The following NOL10 variants were observed in gnomAD, a reference collection of about 807,000 sequenced individuals.
The protein encoded by NOL10 is nucleolar protein 10.
In NOL10, 58 loss-of-function variants were observed where a neutral mutation model predicts 103.5. That is an observed-to-expected ratio of 0.56 (90% CI 0.45 to 0.70). The LOEUF is 0.70. NOL10 is among the 30% of genes least tolerant of loss of function. The pLI is 0.00. For synonymous variants in NOL10, 287 were observed against 282.5 expected (o/e 1.02, Z -0.16); for missense variants, 763 against 807.3 (o/e 0.95, Z 0.67).
At chr2:10,645,928 AACACACACACACACATACACACACAC>A (rs998080039) in intron 12 of NOL10, among the ~76,000 whole-genome samples, 4 of 121,570 alleles carry the variant, frequency 3.3e-5, no homozygotes, top group Non-Finnish European at 6.3e-5. Flanking sequence ...ATGCACACAA[AACACACACACACACATACACACACAC>A]ACACACACAC....
In NOL10 at chr2:10,594,181, C is replaced by T. The variant is rs138042948; in HGVS notation, c.1423-4430G>A. Among the ~76,000 whole-genome samples the T allele has an allele frequency of 4.7e-3, 715 of 152,224 alleles. 9 individuals are homozygous for T. The highest frequency in any genetic ancestry group is 0.016 in the African/African-American group (665 of 41,542). On this transcript the variant is annotated intron_variant, in intron 17 of 20. Transcript: ENST00000381685. ...TCGCTTCGTGTCAGGTTTCCCAGGA[C>T]GCTTCCTCTTCCTGGGCTTACACTG...
At chr2:10,653,551 A>G (rs1679627982) in intron 12 of NOL10, among the ~76,000 whole-genome samples, 1 of 152,134 alleles carries the variant, frequency 6.6e-6, no homozygotes, top group Non-Finnish European at 1.5e-5. Flanking sequence ...ACGGAGCCCA[A>G]GACATTTAGC....
At chr2:10,594,670 C>T (rs1675571159) in intron 17 of NOL10, among the ~76,000 whole-genome samples, 1 of 152,126 alleles carries the variant, frequency 6.6e-6, no homozygotes. Flanking sequence ...AATGCAGTCA[C>T]AGATTACTAC....
chr2:10,686,074 T>A (rs1049385174), intron 1 of NOL10, among the ~76,000 whole-genome samples: 3 of 151,578 alleles, frequency 2.0e-5, no homozygotes, highest in East Asian at 3.9e-4. Context: ...AAAAAAAAAA[T>A]TTAAAAATCT....
intron 3 of NOL10, among the ~76,000 whole-genome samples, chr2:10,680,280 A>T (rs1015246170): frequency 7.3e-6 from 1 of 136,586 alleles, no homozygotes; most frequent in African/African-American, 2.9e-5. Flanking sequence ...CTTAAAAAAG[A>T]AGGAGAAGAA....
At position 10,650,844 on chromosome 2, in the gene NOL10, A is replaced by AT. The variant is rs535811975; in HGVS notation, c.973+3636dup. Among the ~76,000 whole-genome samples, 339 of 152,290 alleles carry AT rather than the reference A, an allele frequency of 2.2e-3. 1 individual carries two copies. Among genetic ancestry groups the AT allele is most frequent in the African/African-American group, 7.8e-3 (323 of 41,572 alleles). ...TGAATTATCAGCACCCTCTCAATCCATTTTAAGTCTCTTCCTCAGCAGTCA... is the reference window on the plus strand; with the variant it reads ...TGAATTATCAGCACCCTCTCAATCCATTTTTAAGTCTCTTCCTCAGCAGTCA... On this transcript the variant is annotated intron_variant, in intron 12 of 20. Transcript: ENST00000381685.
intron 12 of NOL10, among the ~76,000 whole-genome samples, chr2:10,649,571 C>T (rs1315140057): frequency 1.3e-5 from 2 of 152,020 alleles, no homozygotes; most frequent in Non-Finnish European, 2.9e-5. Flanking sequence ...CTGCATGCCT[C>T]GGCCTCCCAA....
At chr2:10,682,777 C>T (rs1446943088) in intron 2 of NOL10, among the ~76,000 whole-genome samples, 1 of 151,682 alleles carries the variant, frequency 6.6e-6, no homozygotes, top group East Asian at 1.9e-4. Context: ...AGGTTTAAGC[C>T]CCCAAACTCT....
Position 10,637,188 on chromosome 2 carries a change from C to CAAAAAAAA in NOL10, c.1026+7124_1026+7131dup, listed in dbSNP as rs61693251. On this transcript the variant is annotated intron_variant, in intron 13 of 20. Coordinates refer to ENST00000381685, the MANE Select transcript of NOL10 (RefSeq NM_024894.4). The stretch of plus-strand genomic sequence containing the variant: ...TGGGCCACGGAGCAAGACACTGTCT[C>CAAAAAAAA]AAAAAAAAAAAAAAAAAAAAAAAAA... Among the ~76,000 whole-genome samples the CAAAAAAAA allele has an allele frequency of 1.6e-3, 72 of 44,524 alleles. 1 individual carries two copies. Among genetic ancestry groups the CAAAAAAAA allele is most frequent in the Non-Finnish European group, 2.3e-3 (57 of 25,088 alleles). 29.2% of individuals were successfully genotyped at this position (44,524 alleles called of 152,430 possible). A position where few individuals can be genotyped will look rare whatever the true frequency, so the allele number is the denominator to read the frequency against.
At chr2:10,637,188 C>CA (rs61693251) in intron 13 of NOL10, among the ~76,000 whole-genome samples, 3,767 of 44,446 alleles carry the variant, frequency 0.085, 470 homozygotes, top group Admixed American at 0.15. Context: ...GACACTGTCT[C>CA]AAAAAAAAAA....
At chr2:10,597,758 C>T (rs1335122654) in intron 17 of NOL10, among the ~76,000 whole-genome samples, 3 of 152,168 alleles carry the variant, frequency 2.0e-5, no homozygotes, top group South Asian at 2.1e-4. Flanking sequence ...TCTGTTATCA[C>T]GTGATATGGC....
intron 17 of NOL10, among the ~76,000 whole-genome samples, chr2:10,598,190 C>T (rs187986732): frequency 4.5e-4 from 69 of 152,258 alleles, no homozygotes; most frequent in African/African-American, 1.6e-3. Flanking sequence ...CCACAAATCC[C>T]TACGTAAATA....
chr2:10,659,386 G>A, intron 9 of NOL10, 136 bp from the exon 10 acceptor site: 1 of 640,826 alleles, frequency 1.6e-6, no homozygotes, highest in South Asian at 1.8e-5. Context: ...CTGTTTAAAA[G>A]GTAACTGCAG....
chr2:10,585,852 G>A (rs1349032452), intron 19 of NOL10, among the ~76,000 whole-genome samples: 1 of 152,182 alleles, frequency 6.6e-6, no homozygotes, highest in African/African-American at 2.4e-5. Flanking sequence ...AAAAAAGTCT[G>A]TACACGTTCA....
At chr2:10,688,763 C>T (rs1324733765) in intron 1 of NOL10, among the ~76,000 whole-genome samples, 1 of 152,186 alleles carries the variant, frequency 6.6e-6, no homozygotes. Flanking sequence ...GAGTTGCTTG[C>T]ACACAGTAAC....
intron 9 of NOL10, 60 bp from the exon 10 acceptor site, chr2:10,659,310 A>G: frequency 5.1e-6 from 3 of 586,074 alleles, no homozygotes; most frequent in Non-Finnish European, 8.7e-6. Flanking sequence ...CCAAGTAACA[A>G]GTTCATTATT....
At chr2:10,676,960 A>G (rs1681350918) in intron 3 of NOL10, among the ~76,000 whole-genome samples, 1 of 149,386 alleles carries the variant, frequency 6.7e-6, no homozygotes, top group Non-Finnish European at 1.5e-5. Flanking sequence ...TTTCTTTGAA[A>G]TGGGGTCTTG....
chr2:10,581,316 T>G (rs1185628330), intron 19 of NOL10, among the ~76,000 whole-genome samples: 1 of 152,128 alleles, frequency 6.6e-6, no homozygotes, highest in East Asian at 1.9e-4. Flanking sequence ...CTACTAGGAA[T>G]ACGCTTTAAA....
intron 17 of NOL10, among the ~76,000 whole-genome samples, chr2:10,600,094 G>A (rs1675895064): frequency 6.6e-6 from 1 of 152,104 alleles, no homozygotes; most frequent in Non-Finnish European, 1.5e-5. Flanking sequence ...TCTGCAGGCT[G>A]TCGCAGAGAT....
Sources: allele counts gnomAD v4.1 joint callset (sites outside exome capture counted in the v4.1 genomes callset), GRCh38; gene constraint gnomAD v4.1.1; transcripts MANE v1.5; gene names NCBI Gene and HGNC (gene_info 2026-07-23, HGNC 2026-07-21).